The following NCKAP5 variants were observed in gnomAD, a reference collection of about 807,000 sequenced individuals.
NCKAP5 encodes NCK associated protein 5.
Under a neutral mutation model 167.0 loss-of-function variants are expected in NCKAP5, and 92 were observed. That is an observed-to-expected ratio of 0.55 (90% CI 0.47 to 0.66). NCKAP5 has a LOEUF of 0.66. Among genes scored for constraint, NCKAP5 ranks in the 30% least tolerant of loss-of-function variants. The pLI, the probability that NCKAP5 is intolerant of heterozygous loss-of-function variation, is 0.00. For missense variants in NCKAP5, 2,378 were observed against 2,315.0 expected (o/e 1.03, Z -0.56); for synonymous variants, 891 against 877.4 (o/e 1.02, Z -0.27).
chr2:132,860,664 G>T, intron 10 of NCKAP5, 53 bp from the exon 11 acceptor site: 1 of 1,534,564 alleles, frequency 6.5e-7, no homozygotes, highest in Non-Finnish European at 8.8e-7. Flanking sequence ...AGATGTCTTT[G>T]CATATTATAA....
chr2:133,575,247 C>T, the NCKAP5 span, among the ~76,000 whole-genome samples: 3 of 152,240 alleles, frequency 2.0e-5, no homozygotes, highest in Non-Finnish European at 4.4e-5. Flanking sequence ...CTGGCTTAAA[C>T]TTTACACCTT....
intron 5 of NCKAP5, among the ~76,000 whole-genome samples, chr2:133,146,039 T>C (rs567828395): frequency 7.2e-5 from 11 of 152,100 alleles, no homozygotes; most frequent in Non-Finnish European, 1.2e-4. Context: ...ATACTGCTCA[T>C]GTTCATATTT....
At chr2:132,814,461 T>C (rs17397728) in intron 11 of NCKAP5, among the ~76,000 whole-genome samples, 3,117 of 152,298 alleles carry the variant, frequency 0.02, 58 homozygotes, top group Non-Finnish European at 0.033. Context: ...AGCTGCAAAA[T>C]ACATTTCACT....
chr2:133,381,699 T>C (rs900623474), intron 3 of NCKAP5, among the ~76,000 whole-genome samples: 2 of 152,224 alleles, frequency 1.3e-5, no homozygotes, highest in South Asian at 2.1e-4. Context: ...TGGGAATCAA[T>C]GCTTATCTAA....
intron 2 of NCKAP5, among the ~76,000 whole-genome samples, chr2:133,517,977 C>T (rs1025256500): frequency 7.2e-5 from 11 of 152,136 alleles, no homozygotes; most frequent in Non-Finnish European, 1.0e-4. Context: ...GACAAAACCA[C>T]GCTCTATAAC....
intron 7 of NCKAP5, among the ~76,000 whole-genome samples, chr2:132,989,525 C>G (rs2077391138): frequency 6.6e-6 from 1 of 152,098 alleles, no homozygotes; most frequent in Admixed American, 6.6e-5. Flanking sequence ...ATGAGTCTAT[C>G]CTAGGGGCAT....
At chr2:133,198,664 T>C (rs2085542194) in intron 5 of NCKAP5, among the ~76,000 whole-genome samples, 1 of 152,110 alleles carries the variant, frequency 6.6e-6, no homozygotes, top group African/African-American at 2.4e-5. Context: ...GAGATTTACA[T>C]CATATTTGTG....
intron 3 of NCKAP5, among the ~76,000 whole-genome samples, chr2:133,350,039 G>GA (rs899410084): frequency 6.6e-6 from 1 of 152,088 alleles, no homozygotes; most frequent in Admixed American, 6.6e-5. Flanking sequence ...TAACATTCAG[G>GA]AAATGGATAT....
chr2:133,583,283 A>C, the NCKAP5 span, among the ~76,000 whole-genome samples: 2 of 152,102 alleles, frequency 1.3e-5, no homozygotes, highest in African/African-American at 2.4e-5. Flanking sequence ...TGAATGACTT[A>C]GCAACTCCCA....
chr2:133,626,638 T>C, the NCKAP5 span, among the ~76,000 whole-genome samples: 10 of 152,212 alleles, frequency 6.6e-5, no homozygotes, highest in East Asian at 1.9e-3. Flanking sequence ...ATGATAATGA[T>C]ATGTTTTTAA....
the NCKAP5 span, among the ~76,000 whole-genome samples, chr2:133,672,641 T>C: frequency 1.3e-5 from 2 of 152,208 alleles, no homozygotes; most frequent in Non-Finnish European, 2.9e-5. Context: ...GAGTCTCTGT[T>C]GCAACTACTC....
chr2:133,097,455 T>C (rs2081378165), intron 6 of NCKAP5, among the ~76,000 whole-genome samples: 1 of 152,196 alleles, frequency 6.6e-6, no homozygotes, highest in South Asian at 2.1e-4. Flanking sequence ...TTTAGTTTCT[T>C]TGGCTTGTGA....
At chr2:133,503,182 G>A (rs1030538102) in intron 3 of NCKAP5, among the ~76,000 whole-genome samples, 8 of 152,166 alleles carry the variant, frequency 5.3e-5, no homozygotes, top group Non-Finnish European at 5.9e-5. Flanking sequence ...TTATTATAGT[G>A]ACTGTTATTC....
At chr2:133,357,124 G>A (rs1011656618) in intron 3 of NCKAP5, among the ~76,000 whole-genome samples, 1 of 152,054 alleles carries the variant, frequency 6.6e-6, no homozygotes, top group African/African-American at 2.4e-5. Flanking sequence ...TACTCAGAAG[G>A]GTCCCTATTA....
chr2:133,574,643 A>T, the NCKAP5 span, among the ~76,000 whole-genome samples: 1 of 143,202 alleles, frequency 7.0e-6, no homozygotes, highest in Non-Finnish European at 1.5e-5. Flanking sequence ...ACACAAGCAC[A>T]TGTGCACACA....
intron 15 of NCKAP5, among the ~76,000 whole-genome samples, chr2:132,777,277 C>T (rs774910333): frequency 3.3e-5 from 5 of 152,124 alleles, no homozygotes; most frequent in Non-Finnish European, 7.4e-5. Context: ...ATTTTATTCA[C>T]CCCTGTTTCT....
chr2:133,605,150 G>C, the NCKAP5 span, among the ~76,000 whole-genome samples: 2 of 152,174 alleles, frequency 1.3e-5, no homozygotes, highest in East Asian at 3.9e-4. Context: ...GACAGACACT[G>C]TGTTCTCACC....
At chr2:133,593,703 A>T in the NCKAP5 span, among the ~76,000 whole-genome samples, 17 of 152,184 alleles carry the variant, frequency 1.1e-4, no homozygotes, top group African/African-American at 4.1e-4. Flanking sequence ...TTATCTATGT[A>T]TGACGGTTTG....
intron 16 of NCKAP5, among the ~76,000 whole-genome samples, chr2:132,768,436 T>C (rs1445500416): frequency 1.3e-5 from 2 of 152,158 alleles, no homozygotes; most frequent in African/African-American, 4.8e-5. Flanking sequence ...AAATGCATTA[T>C]AGTTAGATAG....
Sources: allele counts gnomAD v4.1 joint callset (sites outside exome capture counted in the v4.1 genomes callset), GRCh38; gene constraint gnomAD v4.1.1; transcripts MANE v1.5; gene names NCBI Gene and HGNC (gene_info 2026-07-23, HGNC 2026-07-21).